The following NRIP1 variants were observed in gnomAD, a reference collection of about 807,000 sequenced individuals.
NRIP1 encodes the protein nuclear receptor interacting protein 1.
Under a neutral mutation model 75.0 loss-of-function variants are expected in NRIP1, and 28 were observed. The ratio of observed to expected loss-of-function variants is 0.37; its 90% confidence interval spans 0.28 to 0.51. The LOEUF (loss-of-function observed/expected upper bound fraction) is 0.51, where lower values mean the gene tolerates loss of function less well. Among genes scored for constraint, NRIP1 ranks in the 20% least tolerant of loss-of-function variants. NRIP1 has a pLI of 0.92. For synonymous variants in NRIP1, 526 were observed against 487.6 expected (o/e 1.08, Z -1.04); for missense variants, 1,435 against 1,343.7 (o/e 1.07, Z -1.06).
At chr21:15,039,391 T>C (rs1179104254) in intron 2 of NRIP1, among the ~76,000 whole-genome samples, 3 of 152,116 alleles carry the variant, frequency 2.0e-5, no homozygotes, top group Non-Finnish European at 4.4e-5. Context: ...GTTTCCATAT[T>C]GACTGTTCTC....
intron 3 of NRIP1, among the ~76,000 whole-genome samples, chr21:14,982,272 T>C (rs1409429510): frequency 6.6e-6 from 1 of 152,192 alleles, no homozygotes; most frequent in Non-Finnish European, 1.5e-5. Context: ...AAATATATAA[T>C]TTGTTCTATA....
intron 3 of NRIP1, among the ~76,000 whole-genome samples, chr21:14,987,522 T>C (rs899400520): frequency 4.6e-5 from 7 of 152,190 alleles, no homozygotes; most frequent in African/African-American, 9.7e-5. Flanking sequence ...AAACCCATTG[T>C]TGACAGGGGC....
In NRIP1 at chr21:14,965,657, G is replaced by A. The variant is rs1290054016; in HGVS notation, c.2536C>T (p.Leu846Phe). The A allele has an allele frequency of 1.2e-6, 2 of 1,613,346 alleles. No individual in the cohort carries two copies. Among genetic ancestry groups the A allele is most frequent in the Admixed American group, 3.3e-5 (2 of 59,938 alleles). Reference protein sequence around the residue: ...DRSHRNNEMALLESKNLCMVP... With the variant: ...DRSHRNNEMAFLESKNLCMVP... ...ATGCAAAGATTCTTTGATTCTAGAA[G>A]TGCCATTTCATTATTTCTGTGACTC... is the stretch of plus-strand genomic sequence containing the variant. The change falls in exon 4 of 4, where the codon CTT becomes TTT. Residue 846 changes from leucine to phenylalanine, a missense_variant. Physicochemically the swap from Leu to Phe is conservative, Grantham distance 22. Transcript: ENST00000318948.
intron 3 of NRIP1, among the ~76,000 whole-genome samples, chr21:14,986,258 GATTA>G (rs2087399695): frequency 6.6e-6 from 1 of 152,126 alleles, no homozygotes; most frequent in Non-Finnish European, 1.5e-5. Context: ...TAACTAAAGT[GATTA>G]ATTATGAAAA....
chr21:14,969,878 A>G (rs1415826630), intron 3 of NRIP1, among the ~76,000 whole-genome samples: 1 of 152,218 alleles, frequency 6.6e-6, no homozygotes, highest in African/African-American at 2.4e-5. Context: ...TCAACTGTGT[A>G]AGGAGTAGGA....
At position 14,966,292 on chromosome 21, in the gene NRIP1, AAATTTTGT is replaced by A; in HGVS notation, c.1893_1900del (p.Leu631PhefsTer28). 1 of 1,614,082 alleles carries A rather than the reference AAATTTTGT, an allele frequency of 6.2e-7. No homozygotes were observed. Among genetic ancestry groups the A allele is most frequent in the Non-Finnish European group, 8.5e-7 (1 of 1,179,988 alleles). ...GGATGACTGCATTCCACATTGTGCTAAATTTTGTAACAGCTTACTGGCACTAAACGTTG... is the reference window on the plus strand; with the variant it reads ...GGATGACTGCATTCCACATTGTGCTAAACAGCTTACTGGCACTAAACGTTG... On this transcript the variant is annotated frameshift_variant, in exon 4 of 4. Coordinates refer to ENST00000318948, the MANE Select transcript of NRIP1 (RefSeq NM_003489.4). LOFTEE classifies it high-confidence loss of function.
intron 2 of NRIP1, among the ~76,000 whole-genome samples, chr21:15,028,611 G>A (rs1002778487): frequency 3.9e-5 from 6 of 152,082 alleles, no homozygotes; most frequent in East Asian, 1.9e-4. Context: ...TAACACTAAC[G>A]TAGGCACTAA....
At chr21:15,055,369 A>C (rs546268521) in intron 1 of NRIP1, among the ~76,000 whole-genome samples, 143 of 152,330 alleles carry the variant, frequency 9.4e-4, no homozygotes, top group African/African-American at 3.4e-3. Flanking sequence ...TAAAATTCCA[A>C]ATGTACGTAA....
Position 14,964,877 on chromosome 21 carries a change from CT to C in NRIP1, c.3315del (p.Glu1106LysfsTer16). 6 of 1,613,410 alleles carry C rather than the reference CT, an allele frequency of 3.7e-6. No individual in the cohort carries two copies. The highest frequency in any genetic ancestry group is 5.1e-6 in the Non-Finnish European group (6 of 1,179,704). ...GTTTCTGCAGTAGGAAGTAACTCTTCTTTGGCTGTGACCTGTGAGACACTTT... is the reference window on the plus strand; with the variant it reads ...GTTTCTGCAGTAGGAAGTAACTCTTCTTGGCTGTGACCTGTGAGACACTTT... ...SAESVSQVTA[K>X]EELLPTAETK... On this transcript the variant is annotated frameshift_variant, in exon 4 of 4. Transcript: ENST00000318948. LOFTEE classifies it high-confidence loss of function.
chr21:14,991,199 ACTTT>A (rs2087562345), intron 3 of NRIP1: 1 of 151,464 alleles, frequency 6.6e-6, no homozygotes. Context: ...CTTCTCACTT[ACTTT>A]CTTTGTGCGT....
chr21:14,978,123 T>C (rs545264710), intron 3 of NRIP1, among the ~76,000 whole-genome samples: 4 of 152,328 alleles, frequency 2.6e-5, no homozygotes, highest in Non-Finnish European at 4.4e-5. Flanking sequence ...AGTAAAATAG[T>C]GTCATTCACA....
chr21:14,974,209 T>C (rs1007919959), intron 3 of NRIP1: 2 of 152,162 alleles, frequency 1.3e-5, no homozygotes, highest in Non-Finnish European at 2.9e-5. Flanking sequence ...TTTCCTGGTT[T>C]TGAAGGAGTA....
At chr21:15,005,259 G>GC (rs1294758622) in intron 3 of NRIP1, among the ~76,000 whole-genome samples, 1 of 152,140 alleles carries the variant, frequency 6.6e-6, no homozygotes, top group Non-Finnish European at 1.5e-5. Context: ...CTGTTTTGAA[G>GC]CCATTTAGCT....
intron 3 of NRIP1, chr21:15,002,473 AACACACACAC>A (rs140971315): frequency 6.6e-6 from 1 of 151,340 alleles, no homozygotes; most frequent in Non-Finnish European, 1.5e-5. Context: ...GTCAAAATTA[AACACACACAC>A]ACACACGCAC....
chr21:15,039,273 G>A (rs1334904400), intron 2 of NRIP1, among the ~76,000 whole-genome samples: 3 of 152,046 alleles, frequency 2.0e-5, no homozygotes, highest in Non-Finnish European at 4.4e-5. Context: ...AAATGTGTTG[G>A]GGGTAGGGCT....
At chr21:15,038,621 A>G (rs2088885150) in intron 2 of NRIP1, among the ~76,000 whole-genome samples, 1 of 152,100 alleles carries the variant, frequency 6.6e-6, no homozygotes, top group Middle Eastern at 3.2e-3. Context: ...ATATTTACAT[A>G]TTACCTTTCA....
At chr21:15,022,378 C>T (rs1350025799) in intron 2 of NRIP1, among the ~76,000 whole-genome samples, 2 of 152,146 alleles carry the variant, frequency 1.3e-5, no homozygotes, top group African/African-American at 2.4e-5. Context: ...CACACTGGGC[C>T]TGTTGGGTGG....
At chr21:15,046,751 A>G (rs974569002) in intron 1 of NRIP1, among the ~76,000 whole-genome samples, 18 of 152,302 alleles carry the variant, frequency 1.2e-4, no homozygotes, top group East Asian at 5.8e-4. Context: ...ATCTTCATCA[A>G]TGATCTTACC....
intron 1 of NRIP1, among the ~76,000 whole-genome samples, chr21:15,064,437 C>T (rs1342095039): frequency 6.6e-6 from 1 of 152,160 alleles, no homozygotes; most frequent in African/African-American, 2.4e-5. Flanking sequence ...GACCCGGCCC[C>T]CCGAGTCCGG....
Sources: allele counts gnomAD v4.1 joint callset (sites outside exome capture counted in the v4.1 genomes callset), GRCh38; gene constraint gnomAD v4.1.1; transcripts MANE v1.5; gene names NCBI Gene and HGNC (gene_info 2026-07-23, HGNC 2026-07-21).